The following UGGT2 variants were observed in gnomAD, a reference collection of about 807,000 sequenced individuals.
The protein encoded by UGGT2 is UDP-glucose glycoprotein glucosyltransferase 2.
In UGGT2, 180 loss-of-function variants were observed where a neutral mutation model predicts 192.1. The observed-to-expected ratio is 0.94, with a 90% CI of 0.83 to 1.06. The LOEUF (loss-of-function observed/expected upper bound fraction) is 1.06. Ranked by LOEUF, UGGT2 falls within the 50% of genes least tolerant of loss-of-function variation. The probability of loss-of-function intolerance (pLI) is 0.00; values close to 1 mark genes in which losing one functional copy is unlikely to be tolerated. For missense variants in UGGT2, 1,849 were observed against 1,795.7 expected, an observed-to-expected ratio of 1.03 and a Z score of -0.54; for synonymous variants, 580 against 591.0, an observed-to-expected ratio of 0.98 and a Z score of 0.27.
At chr13:95,998,948 G>A (rs1423731464) in intron 6 of UGGT2, among the ~76,000 whole-genome samples, 1 of 152,062 alleles carries the variant, frequency 6.6e-6, no homozygotes, top group Non-Finnish European at 1.5e-5. Flanking sequence ...GTTACATGGT[G>A]CTGAAATGGT....
rs559416343 is a variant in UGGT2, at chr13:95,984,044, A to G, written c.1032-180T>C. On this transcript the variant is annotated intron_variant, in intron 9 of 38. Transcript: ENST00000376747. Reference sequence around the variant, plus strand: ...TTCATTTGACAAAAGTATTTGGTTCAAGTGGAATGGAGGTTCTCAAAATTT... The same window carrying G: ...TTCATTTGACAAAAGTATTTGGTTCGAGTGGAATGGAGGTTCTCAAAATTT... 3.3e-5 allele frequency among the ~76,000 whole-genome samples: 5 copies of G among 152,310 alleles called. No individual in the cohort carries two copies. The East Asian group carries it at 9.6e-4, about 29-fold the overall frequency.
intron 1 of UGGT2, among the ~76,000 whole-genome samples, chr13:96,041,638 C>T (rs182036984): frequency 6.6e-6 from 1 of 152,220 alleles, no homozygotes; most frequent in East Asian, 1.9e-4. Flanking sequence ...AGTTCTCAGC[C>T]CTGCTCGCCC....
chr13:95,882,303 G>A (rs2047518296), intron 27 of UGGT2, among the ~76,000 whole-genome samples: 2 of 152,200 alleles, frequency 1.3e-5, no homozygotes, highest in African/African-American at 4.8e-5. Context: ...ACAAAGTCCT[G>A]CCAAGGGAGA....
At chr13:95,939,558 A>G (rs2049591754) in intron 16 of UGGT2, among the ~76,000 whole-genome samples, 1 of 151,744 alleles carries the variant, frequency 6.6e-6, no homozygotes, top group African/African-American at 2.4e-5. Context: ...TGACAAGTAA[A>G]AAATATATAT....
chr13:95,896,307 CT>C (rs1278263111), intron 22 of UGGT2, among the ~76,000 whole-genome samples: 3 of 152,022 alleles, frequency 2.0e-5, no homozygotes, highest in Non-Finnish European at 4.4e-5. Context: ...AGGTGACTAA[CT>C]GGGATTTTGG....
intron 38 of UGGT2, among the ~76,000 whole-genome samples, chr13:95,807,671 T>A (rs2139732858): frequency 6.8e-6 from 1 of 147,780 alleles, no homozygotes; most frequent in East Asian, 2.0e-4. Flanking sequence ...TTCTAGCTCT[T>A]TAATTTCTTC....
At position 95,856,268 on chromosome 13, in the gene UGGT2, G is replaced by A. The variant is rs755756370; in HGVS notation, c.3898C>T (p.Leu1300Phe). The A allele has an allele frequency of 5.0e-6, 8 of 1,613,660 alleles. No homozygotes were observed. Among genetic ancestry groups the A allele is most frequent in the Non-Finnish European group, 6.8e-6 (8 of 1,179,794 alleles). ...ELVQYRWPRW[L>F]RQQTERQRII... Reference sequence around the variant, plus strand: ...CTCTGTCTTTCAGTCTGTTGACGAAGCCAACGGGGCCACCTATATTGAACT... The same window carrying A: ...CTCTGTCTTTCAGTCTGTTGACGAAACCAACGGGGCCACCTATATTGAACT... Residue 1300 changes from leucine to phenylalanine, a missense_variant, in exon 34 of 39, where the codon CTT becomes TTT. Physicochemically the swap from Leu to Phe is conservative, Grantham distance 22. Transcript: ENST00000376747.
At chr13:95,846,769 G>A (rs375426828) in intron 36 of UGGT2, among the ~76,000 whole-genome samples, 3 of 152,058 alleles carry the variant, frequency 2.0e-5, no homozygotes, top group East Asian at 1.9e-4. Context: ...CCTATTTCAC[G>A]TTCTGACTTT....
chr13:95,881,326 T>C (rs553436579), intron 27 of UGGT2, among the ~76,000 whole-genome samples: 2 of 152,344 alleles, frequency 1.3e-5, no homozygotes, highest in African/African-American at 4.8e-5. Flanking sequence ...TTCTGATATA[T>C]AAATTTTCAA....
intron 38 of UGGT2, among the ~76,000 whole-genome samples, chr13:95,819,977 G>A (rs1433466300): frequency 1.3e-5 from 2 of 152,068 alleles, no homozygotes; most frequent in African/African-American, 4.8e-5. Flanking sequence ...GACCTACATG[G>A]CAAAACCTCA....
At chr13:95,824,443 A>C (rs1303801715) in intron 38 of UGGT2, among the ~76,000 whole-genome samples, 2 of 145,794 alleles carry the variant, frequency 1.4e-5, no homozygotes, top group Non-Finnish European at 3.0e-5. Flanking sequence ...TTAGGTTTGG[A>C]TGTTTTACAT....
intron 38 of UGGT2, among the ~76,000 whole-genome samples, chr13:95,825,202 T>C (rs2139823112): frequency 6.6e-6 from 1 of 152,260 alleles, no homozygotes; most frequent in African/African-American, 2.4e-5. Flanking sequence ...TAATTTAATT[T>C]CTCCCCAGTA....
chr13:95,970,389 T>C (rs1220111794), intron 11 of UGGT2, 127 bp from the exon 12 acceptor site: 13 of 758,980 alleles, frequency 1.7e-5, no homozygotes, highest in Non-Finnish European at 2.8e-5. Flanking sequence ...GCAGGAAAAA[T>C]ATATTAAACT....
chr13:95,982,567 C>T (rs1310604566), intron 10 of UGGT2, among the ~76,000 whole-genome samples: 2 of 152,026 alleles, frequency 1.3e-5, no homozygotes, highest in Non-Finnish European at 2.9e-5. Context: ...AATCAGACAC[C>T]GCCTCCTCAA....
intron 11 of UGGT2, among the ~76,000 whole-genome samples, chr13:95,970,707 ATTT>A (rs1287086980): frequency 2.0e-5 from 3 of 152,156 alleles, no homozygotes; most frequent in Non-Finnish European, 2.9e-5. Flanking sequence ...ACAAATTTAA[ATTT>A]TTTATTACAT....
intron 15 of UGGT2, among the ~76,000 whole-genome samples, chr13:95,945,077 T>C (rs2140568029): frequency 6.6e-6 from 1 of 152,164 alleles, no homozygotes. Flanking sequence ...TTTCTGTCTT[T>C]TTATATCTTT....
chr13:96,026,077 A>G (rs1305403475), intron 2 of UGGT2, among the ~76,000 whole-genome samples: 1 of 152,150 alleles, frequency 6.6e-6, no homozygotes, highest in Non-Finnish European at 1.5e-5. Flanking sequence ...CTATAATCCA[A>G]GAAAACTTTC....
chr13:95,883,979 T>C (rs1232474840), intron 27 of UGGT2, among the ~76,000 whole-genome samples: 3 of 148,890 alleles, frequency 2.0e-5, no homozygotes, highest in Non-Finnish European at 4.4e-5. Context: ...CAGGTATACC[T>C]GGCCTGTAGT....
chr13:95,996,459 G>A (rs2051624321), intron 6 of UGGT2, among the ~76,000 whole-genome samples: 1 of 150,742 alleles, frequency 6.6e-6, no homozygotes, highest in Non-Finnish European at 1.5e-5. Flanking sequence ...TCGTGCCACT[G>A]CACTCCAGCC....
Sources: allele counts gnomAD v4.1 joint callset (sites outside exome capture counted in the v4.1 genomes callset), GRCh38; gene constraint gnomAD v4.1.1; transcripts MANE v1.5; gene names NCBI Gene and HGNC (gene_info 2026-07-23, HGNC 2026-07-21).